Variants in INSRR observed in about 807,000 individuals in gnomAD.
INSRR encodes the protein insulin receptor-related protein.
A neutral mutation model predicts 130.0 loss-of-function variants in INSRR; 114 were observed. That is an observed-to-expected ratio of 0.88 (90% CI 0.75 to 1.02). INSRR has a LOEUF of 1.02. INSRR is among the 50% of genes least tolerant of loss of function. The pLI is 0.00. For synonymous variants in INSRR, 674 were observed against 705.2 expected (o/e 0.96, Z 0.70); for missense variants, 1,657 against 1,735.2 (o/e 0.95, Z 0.80).
rs1290211837 is a variant in INSRR at position 156,858,635 on chromosome 1, G to A, written c.-14C>T. 2.5e-6 allele frequency: 4 copies of A among 1,612,652 alleles called. No homozygotes were observed. Among genetic ancestry groups the A allele is most frequent in the Non-Finnish European group, 3.4e-6 (4 of 1,178,704 alleles). On this transcript the variant is annotated 5_prime_UTR_variant, in exon 1 of 22. Transcript: ENST00000368195. ...AGGCACTGCCATTGTCCCAGCCCTG[G>A]CTTGTGTCCAGTCCCGGCTCTCCTC... is the stretch of plus-strand genomic sequence containing the variant.
rs768781131 is a variant in INSRR, at chr1:156,841,429, C to A, written c.3627G>T (p.Gly1209=). 4.3e-6 allele frequency: 7 copies of A among 1,613,894 alleles called. No homozygotes were observed. Among genetic ancestry groups the A allele is most frequent in the Non-Finnish European group, 5.9e-6 (7 of 1,179,914 alleles). ...EQVLKFVMDG[G]VLEELEGCPL... The stretch of plus-strand genomic sequence containing the variant: ...GACAGCCCTCCAGCTCCTCCAGGAC[C>A]CCGCCATCCATGACGAACTTCAGCA... The change falls in exon 21 of 22, where the codon GGG becomes GGT. Residue 1209 remains glycine (G), a synonymous_variant. Coordinates refer to ENST00000368195, the MANE Select transcript of INSRR (RefSeq NM_014215.3).
In INSRR at chr1:156,844,815, C is replaced by CTCCCA; in HGVS notation, c.2465_2466insTGGGA (p.Ala823GlyfsTer136). The CTCCCA allele has an allele frequency of 6.2e-7, 1 of 1,614,106 alleles. No homozygotes were observed. Among genetic ancestry groups the CTCCCA allele is most frequent in the Non-Finnish European group, 8.5e-7 (1 of 1,180,022 alleles). ...TGTTCTTGCTGGAGGCCTCCCAGGCCACCTTTCCTGGAATACCATCAGCCT... is the reference window on the plus strand; with the variant it reads ...TGTTCTTGCTGGAGGCCTCCCAGGCCTCCCAACCTTTCCTGGAATACCATCAGCCT... On this transcript the variant is annotated frameshift_variant, in exon 13 of 22. Coordinates refer to ENST00000368195, the MANE Select transcript of INSRR (RefSeq NM_014215.3). LOFTEE classifies it high-confidence loss of function.
At chr1:156,848,838 C>T in intron 7 of INSRR, 83 bp downstream of exon 7, 2 of 1,483,756 alleles carry the variant, frequency 1.3e-6, no homozygotes, top group Non-Finnish European at 1.8e-6. Flanking sequence ...CCTCGCTGAG[C>T]TCCGCCCTCA....
intron 20 of INSRR, 43 bp downstream of exon 20, chr1:156,841,622 C>T (rs370465263): frequency 4.2e-5 from 67 of 1,609,722 alleles, no homozygotes; most frequent in Non-Finnish European, 5.1e-5. Context: ...CCCCAGATCC[C>T]GCCTCCACAT....
intron 5 of INSRR, 25 bp from the exon 6 acceptor site, chr1:156,849,485 T>G: frequency 9.7e-7 from 1 of 1,033,948 alleles, no homozygotes; most frequent in Non-Finnish European, 1.4e-6. Context: ...GGGACCTTGC[T>G]CTGCGGGGAG....
intron 15 of INSRR, 76 bp downstream of exon 15, chr1:156,844,099 C>G: frequency 9.4e-7 from 1 of 1,064,254 alleles, no homozygotes; most frequent in Non-Finnish European, 1.4e-6. Context: ...ACTGTCTCAT[C>G]TACCTCCCTT....
At position 156,844,213 on chromosome 1, in the gene INSRR, G is replaced by T. The variant is rs1391437469; in HGVS notation, c.2805C>A (p.Ile935=). 2 of 1,613,956 alleles carry T rather than the reference G, an allele frequency of 1.2e-6. No homozygotes were observed. The highest frequency in any genetic ancestry group is 2.2e-5 in the South Asian group (2 of 91,070). The change falls in exon 15 of 22, where the codon ATC becomes ATA. Residue 935 remains isoleucine (I), a synonymous_variant. Coordinates refer to ENST00000368195, the MANE Select transcript of INSRR (RefSeq NM_014215.3). ...TATPVGLTLL[I]VLAALGFFYG... is the part of the protein sequence containing the mutation. ...AGAAGAAACCAAGGGCAGCAAGAAC[G>T]ATGAGCAGCGTGAGCCCCACAGGGG...
chr1:156,847,416 G>C (rs1655050365), intron 7 of INSRR, among the ~76,000 whole-genome samples: 1 of 152,226 alleles, frequency 6.6e-6, no homozygotes, highest in South Asian at 2.1e-4. Context: ...GGGTAGAAGA[G>C]GGCTCCCTGG....
chr1:156,843,809 T>A (rs1372599746), intron 15 of INSRR, among the ~76,000 whole-genome samples: 1 of 152,184 alleles, frequency 6.6e-6, no homozygotes, highest in Non-Finnish European at 1.5e-5. Flanking sequence ...CTGGAACACA[T>A]CCCCAGGCCT....
Position 156,842,219 on chromosome 1 carries a change from C to A in INSRR, c.3290G>T (p.Gly1097Val), listed in dbSNP as rs2102853766. The change falls in exon 19 of 22, where the codon GGT becomes GTT. Residue 1097 changes from glycine (G) to valine (V), a missense_variant. By Grantham distance (109) the Gly-to-Val change is moderately radical. Transcript: ENST00000368195. ...PALGEMIQMA[G>V]EIADGMAYLA... Reference sequence around the variant, plus strand: ...GTAGGCCATGCCGTCTGCAATCTCACCAGCCATTTGGATCATTTCCCCCAA... The same window carrying A: ...GTAGGCCATGCCGTCTGCAATCTCAACAGCCATTTGGATCATTTCCCCCAA... 1 of 1,614,068 alleles carries A rather than the reference C, an allele frequency of 6.2e-7. No individual in the cohort carries two copies. The highest frequency in any genetic ancestry group is 2.2e-5 in the East Asian group (1 of 44,876).
chr1:156,843,142 C>T lies in INSRR; in HGVS notation c.2988G>A (p.Gly996=), dbSNP rs1654861322. ...CTCCAGCCTCAAGTCCTCGTGCCAG[C>T]CCCTCATATACCATCCCAAAAGAGC... The part of the protein sequence containing the change: ...GQGSFGMVYE[G]LARGLEAGEE... The change falls in exon 17 of 22, where the codon GGG becomes GGA. Residue 996 remains glycine, a synonymous_variant. Coordinates refer to ENST00000368195, the MANE Select transcript of INSRR (RefSeq NM_014215.3). The T allele has an allele frequency of 2.5e-6, 4 of 1,614,022 alleles. No homozygotes were observed. The highest frequency in any genetic ancestry group is 1.3e-5 in the African/African-American group (1 of 74,906).
At position 156,858,742 on chromosome 1, in the gene INSRR, C is replaced by G; in HGVS notation, c.-121G>C. The G allele has an allele frequency of 2.5e-6, 2 of 784,554 alleles. No individual in the cohort carries two copies. The allele number at this position is 784,554 out of a possible 1,614,324, so 48.6% of individuals were successfully genotyped here. A position where few individuals can be genotyped will look rare whatever the true frequency, so the allele number is the denominator to read the frequency against. ...TCAGATAGGAGAGGGAGGGCAGGGGCAGAGAGACAAGGAATCCCACACAGA... is the reference window on the plus strand; with the variant it reads ...TCAGATAGGAGAGGGAGGGCAGGGGGAGAGAGACAAGGAATCCCACACAGA... On this transcript the variant is annotated 5_prime_UTR_variant, in exon 1 of 22. Coordinates refer to ENST00000368195, the MANE Select transcript of INSRR (RefSeq NM_014215.3).
chr1:156,843,816 G>A (rs1654888858), intron 15 of INSRR, among the ~76,000 whole-genome samples: 1 of 152,342 alleles, frequency 6.6e-6, no homozygotes, highest in East Asian at 1.9e-4. Context: ...ACATCCCCAG[G>A]CCTCCTGCTT....
chr1:156,849,593 C>T, intron 5 of INSRR, 133 bp from the exon 6 acceptor site: 1 of 662,136 alleles, frequency 1.5e-6, no homozygotes, highest in South Asian at 1.8e-5. Context: ...TGGCTCACAC[C>T]AGCACACCGG....
At chr1:156,846,486 TCTGA>T (rs1419708083) in intron 8 of INSRR, 29 bp downstream of exon 8, 3 of 1,547,324 alleles carry the variant, frequency 1.9e-6, no homozygotes, top group South Asian at 1.1e-5. Flanking sequence ...GATGCAGGCG[TCTGA>T]CTGACTCTTG....
At chr1:156,848,005 A>T (rs1227273784) in intron 7 of INSRR, among the ~76,000 whole-genome samples, 1 of 152,130 alleles carries the variant, frequency 6.6e-6, no homozygotes, top group African/African-American at 2.4e-5. Context: ...AGCATCTCCT[A>T]GGAGCTTATT....
At position 156,845,358 on chromosome 1, in the gene INSRR, C is replaced by T. The variant is rs750243910; in HGVS notation, c.2216+14G>A. Reference sequence around the variant, plus strand: ...AAAGCCACGCCCCTCAGCACCTGCCCTAGTCCTGCTCACCTTTGGGGGCTC... The same window carrying T: ...AAAGCCACGCCCCTCAGCACCTGCCTTAGTCCTGCTCACCTTTGGGGGCTC... On this transcript the variant is annotated intron_variant, in intron 11 of 21. Coordinates refer to ENST00000368195, the MANE Select transcript of INSRR (RefSeq NM_014215.3). 7.5e-6 allele frequency: 12 copies of T among 1,596,976 alleles called. No homozygotes were observed. In the Admixed American group the frequency reaches 1.9e-4, roughly 25 times the overall value.
chr1:156,842,548 C>T lies in INSRR; in HGVS notation c.3127-40G>A, dbSNP rs569928845. 8.3e-6 allele frequency: 13 copies of T among 1,558,754 alleles called. No individual in the cohort carries two copies. In the Admixed American group the frequency reaches 1.5e-4, roughly 18 times the overall value. On this transcript the variant is annotated intron_variant, in intron 17 of 21. Coordinates refer to ENST00000368195, the MANE Select transcript of INSRR (RefSeq NM_014215.3). Reference sequence around the variant, plus strand: ...GGGCCTAGCAGACCCCCTAGTTCCCCTTGACCCATTTGGCCAAAATTCTGA... The same window carrying T: ...GGGCCTAGCAGACCCCCTAGTTCCCTTTGACCCATTTGGCCAAAATTCTGA...
intron 5 of INSRR, among the ~76,000 whole-genome samples, chr1:156,850,334 C>G (rs1655157472): frequency 6.6e-6 from 1 of 151,986 alleles, no homozygotes; most frequent in Admixed American, 6.6e-5. Context: ...GCCTCAGCCT[C>G]CTGAGTAGCT....
Sources: gnomAD v4.1 joint callset for allele counts (sites outside exome capture counted in the v4.1 genomes callset) on GRCh38, gnomAD v4.1.1 for gene constraint, MANE v1.5 for transcripts, NCBI Gene and HGNC (gene_info 2026-07-23, HGNC 2026-07-21) for gene names.